GNB5: variants seen among roughly 807,000 people sequenced by gnomAD.
GNB5 encodes the protein G protein subunit beta 5.
Under a neutral mutation model 55.3 loss-of-function variants are expected in GNB5, and 37 were observed. That is an observed-to-expected ratio of 0.67 (90% confidence interval 0.51 to 0.88). GNB5 has a LOEUF of 0.88. GNB5 is among the 40% of genes least tolerant of loss of function. The probability of loss-of-function intolerance (pLI) is 0.00; values close to 1 mark genes in which losing one functional copy is unlikely to be tolerated. For synonymous variants in GNB5, 219 were observed against 198.5 expected (o/e 1.10, Z -0.87); for missense variants, 476 against 515.3 (o/e 0.92, Z 0.74).
chr15:52,116,475 TTGTA>T lies in GNB5; in HGVS notation c.*6278_*6281del, dbSNP rs768799907. On this transcript the variant is annotated 3_prime_UTR_variant, in exon 13 of 13. Transcript: ENST00000261837. The stretch of plus-strand genomic sequence containing the variant: ...ATAATGATCTTTAATTGACACATAA[TTGTA>T]TGTATTTATGGGGTACAGTGTGTTA... The T allele has an allele frequency of 6.6e-6, 1 of 152,212 alleles. No individual in the cohort carries two copies. Among genetic ancestry groups the T allele is most frequent in the African/African-American group, 2.4e-5 (1 of 41,448 alleles). 9.4% of individuals were successfully genotyped at this position (152,212 alleles called of 1,614,324 possible). A position where few individuals can be genotyped will look rare whatever the true frequency, so the allele number is the denominator to read the frequency against.
intron 10 of GNB5, among the ~76,000 whole-genome samples, chr15:52,126,297 G>A (rs907838732): frequency 1.3e-5 from 2 of 152,004 alleles, no homozygotes; most frequent in Non-Finnish European, 2.9e-5. Flanking sequence ...ATTTCTTCAG[G>A]TATAAAAACA....
At chr15:52,158,439 G>T (rs1053346979) in intron 3 of GNB5, among the ~76,000 whole-genome samples, 2 of 152,110 alleles carry the variant, frequency 1.3e-5, no homozygotes, top group African/African-American at 4.8e-5. Flanking sequence ...TCAATCAACG[G>T]TAGCAATCCT....
intron 6 of GNB5, chr15:52,147,220 C>A: frequency 9.4e-6 from 3 of 319,176 alleles, no homozygotes; most frequent in Non-Finnish European, 1.2e-5. Context: ...CCAGGGTGGA[C>A]TTGAACTCCT....
At chr15:52,145,888 GT>G (rs2033964136) in intron 6 of GNB5, among the ~76,000 whole-genome samples, 1 of 150,894 alleles carries the variant, frequency 6.6e-6, no homozygotes, top group South Asian at 2.1e-4. Context: ...AATCCCCATA[GT>G]CCCATCATCC....
At chr15:52,179,963 CG>C in intron 2 of GNB5, 84 bp from the exon 3 acceptor site, 1 of 1,387,214 alleles carries the variant, frequency 7.2e-7, no homozygotes. Flanking sequence ...CAGCCGTCCC[CG>C]GCCCCGAGCA....
At position 52,164,584 on chromosome 15, in the gene GNB5, C is replaced by T. The variant is rs139577689; in HGVS notation, c.239-10508G>A. ...CGGAGCTTGCAGTGAGCCGAGAGCA[C>T]GACACTGCACTCCAGCCTGGGCGAC... is the stretch of plus-strand genomic sequence containing the variant. On this transcript the variant is annotated intron_variant, in intron 3 of 12. Transcript: ENST00000261837. 7.6e-3 allele frequency among the ~76,000 whole-genome samples: 1,155 copies of T among 151,408 alleles called. 15 individuals are homozygous for T. Among genetic ancestry groups the T allele is most frequent in the African/African-American group, 0.027 (1,100 of 41,254 alleles).
intron 9 of GNB5, among the ~76,000 whole-genome samples, chr15:52,132,340 C>G (rs574884582): frequency 6.6e-6 from 1 of 152,300 alleles, no homozygotes; most frequent in African/African-American, 2.4e-5. Flanking sequence ...CTTGACATTT[C>G]TCTGTCTCCA....
intron 1 of GNB5, among the ~76,000 whole-genome samples, chr15:52,188,095 A>G (rs2034871444): frequency 6.6e-6 from 1 of 152,216 alleles, no homozygotes; most frequent in Non-Finnish European, 1.5e-5. Context: ...ATAAGTATAT[A>G]TGTGTGTACT....
At chr15:52,176,839 C>A (rs1023338589) in intron 3 of GNB5, among the ~76,000 whole-genome samples, 1 of 152,106 alleles carries the variant, frequency 6.6e-6, no homozygotes, top group Non-Finnish European at 1.5e-5. Flanking sequence ...CCAAGGGTTT[C>A]CCAACTCACT....
At chr15:52,135,099 T>G (rs748351008) in intron 8 of GNB5, among the ~76,000 whole-genome samples, 19 of 151,922 alleles carry the variant, frequency 1.3e-4, no homozygotes, top group Non-Finnish European at 2.5e-4. Context: ...CCTCTGTTTC[T>G]TGCACCCTGT....
rs1367002014 is a variant in GNB5 at position 52,120,410 on chromosome 15, C to T, written c.*2347G>A. The T allele has an allele frequency of 1.3e-5, 2 of 152,242 alleles. No homozygotes were observed. Among genetic ancestry groups the T allele is most frequent in the African/African-American group, 4.8e-5 (2 of 41,446 alleles). 9.4% of individuals were successfully genotyped at this position (152,242 alleles called of 1,614,324 possible). A position where few individuals can be genotyped will look rare whatever the true frequency, so the allele number is the denominator to read the frequency against. ...GCTCACAGCGAAGGAGGCTTCCTGCCCATGCGGGGAGTGGAAGCATTCTCT... is the reference window on the plus strand; with the variant it reads ...GCTCACAGCGAAGGAGGCTTCCTGCTCATGCGGGGAGTGGAAGCATTCTCT... On this transcript the variant is annotated 3_prime_UTR_variant, in exon 13 of 13. Transcript: ENST00000261837.
intron 7 of GNB5, chr15:52,137,553 A>T: frequency 1.9e-6 from 2 of 1,027,520 alleles, no homozygotes; most frequent in South Asian, 7.1e-5. Context: ...AGGCCCAAAG[A>T]GCCTCTGGAT....
chr15:52,151,694 C>A (rs1205968635), intron 4 of GNB5, among the ~76,000 whole-genome samples: 1 of 152,210 alleles, frequency 6.6e-6, no homozygotes, highest in Non-Finnish European at 1.5e-5. Flanking sequence ...GAAAACCCAA[C>A]ACAAAGCCTA....
At chr15:52,183,614 TC>T (rs200766459) in intron 2 of GNB5, among the ~76,000 whole-genome samples, 2 of 152,260 alleles carry the variant, frequency 1.3e-5, no homozygotes, top group Non-Finnish European at 2.9e-5. Flanking sequence ...AAGTGCCTTT[TC>T]TTTTTCAGTT....
chr15:52,129,870 C>A (rs1464995814), intron 9 of GNB5, among the ~76,000 whole-genome samples: 1 of 152,142 alleles, frequency 6.6e-6, no homozygotes, highest in Non-Finnish European at 1.5e-5. Context: ...AAATGTCCTT[C>A]CCAAAATGCT....
intron 3 of GNB5, among the ~76,000 whole-genome samples, chr15:52,156,316 C>G (rs572517519): frequency 5.3e-5 from 8 of 152,344 alleles, no homozygotes; most frequent in South Asian, 2.1e-4. Context: ...TGTCCTTGCT[C>G]TAAAATCAGC....
intron 4 of GNB5, 68 bp from the exon 5 acceptor site, chr15:52,149,993 A>C: frequency 9.8e-5 from 117 of 1,195,162 alleles, no homozygotes; most frequent in Non-Finnish European, 1.4e-4. Flanking sequence ...AGAATTCCTC[A>C]TAAAAGCTGT....
chr15:52,181,897 A>G (rs1300876271), intron 2 of GNB5, among the ~76,000 whole-genome samples: 6 of 150,260 alleles, frequency 4.0e-5, no homozygotes, highest in Admixed American at 2.8e-4. Flanking sequence ...AAATATAAAC[A>G]TATAACAAAC....
At chr15:52,125,816 A>T in intron 11 of GNB5, 132 bp downstream of exon 11, 1 of 615,358 alleles carries the variant, frequency 1.6e-6, no homozygotes, top group East Asian at 2.8e-5. Context: ...AACTGGTGCA[A>T]ATATGGATGA....
Sources: allele counts gnomAD v4.1 joint callset (sites outside exome capture counted in the v4.1 genomes callset), GRCh38; gene constraint gnomAD v4.1.1; transcripts MANE v1.5; gene names NCBI Gene and HGNC (gene_info 2026-07-23, HGNC 2026-07-21).